Variants in YAE1 observed in about 807,000 individuals in gnomAD.
YAE1 encodes the protein protein YAE1 homolog.
YAE1 carries 22 observed loss-of-function variants against 23.0 expected under a neutral mutation model. The observed-to-expected ratio is 0.96, with a 90% CI of 0.68 to 1.37. The LOEUF is 1.37. Ranked by LOEUF, YAE1 falls within the 40% of genes most tolerant of loss-of-function variation. YAE1 has a pLI of 0.00. For missense variants in YAE1, 260 were observed against 262.1 expected, an observed-to-expected ratio of 0.99 and a Z score of 0.06; for synonymous variants, 101 against 97.0, an observed-to-expected ratio of 1.04 and a Z score of -0.24.
At chr7:39,567,449 C>G (rs1790490671) in intron 1 of YAE1, among the ~76,000 whole-genome samples, 1 of 152,082 alleles carries the variant, frequency 6.6e-6, no homozygotes, top group Admixed American at 6.6e-5. Context: ...TTTCTGAAAC[C>G]AGACTTCTCA....
chr7:39,594,467 C>T (rs774665484), intron 2 of YAE1, among the ~76,000 whole-genome samples: 5 of 152,134 alleles, frequency 3.3e-5, no homozygotes, highest in Non-Finnish European at 5.9e-5. Flanking sequence ...AAATTTGATT[C>T]CTTTCCATTT....
chr7:39,589,258 A>T (rs1231798003), intron 2 of YAE1, among the ~76,000 whole-genome samples: 1 of 152,216 alleles, frequency 6.6e-6, no homozygotes, highest in Non-Finnish European at 1.5e-5. Context: ...TTTACTATGT[A>T]GTTTTCTGTA....
chr7:39,578,656 A>G (rs1191838291), intron 2 of YAE1, among the ~76,000 whole-genome samples: 3 of 152,192 alleles, frequency 2.0e-5, no homozygotes, highest in African/African-American at 4.8e-5. Context: ...CAGTGAGACC[A>G]TGAACCCGCC....
chr7:39,591,078 C>T (rs112060808), intron 2 of YAE1, among the ~76,000 whole-genome samples: 5 of 152,314 alleles, frequency 3.3e-5, no homozygotes, highest in African/African-American at 1.2e-4. Flanking sequence ...CAGACGGCTG[C>T]CTTCTTGTGT....
intron 2 of YAE1, among the ~76,000 whole-genome samples, chr7:39,583,534 T>C (rs1583674583): frequency 6.6e-6 from 1 of 152,206 alleles, no homozygotes; most frequent in East Asian, 1.9e-4. Context: ...TAACATAGAT[T>C]TGAAAGAGAA....
At chr7:39,585,621 G>A (rs1386083249) in intron 2 of YAE1, among the ~76,000 whole-genome samples, 2 of 152,180 alleles carry the variant, frequency 1.3e-5, no homozygotes, top group African/African-American at 4.8e-5. Context: ...TACTCCTCCA[G>A]ATTCTTCCAG....
exon 3 of YAE1, chr7:39,610,308 G>C (rs898297904): frequency 2.0e-6 from 1 of 492,948 alleles, no homozygotes; most frequent in Non-Finnish European, 3.8e-6. Flanking sequence ...CTCGGTACCA[G>C]GTTTGACCTC....
At chr7:39,574,113 A>G (rs73375677), downstream of YAE1, among the ~76,000 whole-genome samples, 12,955 of 138,552 alleles carry the variant, frequency 0.094, 1,239 homozygotes, top group African/African-American at 0.24. Flanking sequence ...TAAAAATGTC[A>G]TGGGTGTGGT....
At chr7:39,601,356 C>G (rs909374179) in intron 2 of YAE1, among the ~76,000 whole-genome samples, 1 of 152,104 alleles carries the variant, frequency 6.6e-6, no homozygotes, top group Non-Finnish European at 1.5e-5. Flanking sequence ...AATACTATTA[C>G]AAAAACATTG....
intron 2 of YAE1, among the ~76,000 whole-genome samples, chr7:39,608,068 T>G (rs1449853200): frequency 6.6e-6 from 1 of 152,222 alleles, no homozygotes; most frequent in Non-Finnish European, 1.5e-5. Context: ...TCATAGAACA[T>G]GTTCACCCTC....
chr7:39,577,702 G>A (rs146593453), downstream of YAE1, among the ~76,000 whole-genome samples: 376 of 152,312 alleles, frequency 2.5e-3, no homozygotes, highest in African/African-American at 8.2e-3. Context: ...GGGCTCCTGC[G>A]CAGCCCAAGC....
chr7:39,603,521 G>A (rs1183341893), intron 2 of YAE1, among the ~76,000 whole-genome samples: 1 of 152,162 alleles, frequency 6.6e-6, no homozygotes, highest in East Asian at 1.9e-4. Flanking sequence ...TTAAGCTGTG[G>A]GAATTGTGAT....
chr7:39,576,076 C>T (rs752672241), downstream of YAE1, among the ~76,000 whole-genome samples: 24 of 152,192 alleles, frequency 1.6e-4, no homozygotes, highest in Non-Finnish European at 3.5e-4. Flanking sequence ...GATGATCTCA[C>T]CTATTAATGT....
At chr7:39,611,100 A>G (rs1233181760), downstream of YAE1, among the ~76,000 whole-genome samples, 1 of 151,870 alleles carries the variant, frequency 6.6e-6, no homozygotes, top group Non-Finnish European at 1.5e-5. Flanking sequence ...GTGAGCCCAG[A>G]TTGTGCCACT....
intron 2 of YAE1, among the ~76,000 whole-genome samples, chr7:39,604,387 A>C (rs878946712): frequency 2.0e-4 from 30 of 152,210 alleles, no homozygotes; most frequent in Admixed American, 3.9e-4. Context: ...TCTTAGACCA[A>C]TCAGGATTTA....
intron 2 of YAE1, among the ~76,000 whole-genome samples, chr7:39,585,901 G>A (rs938714488): frequency 2.0e-5 from 3 of 152,040 alleles, no homozygotes; most frequent in African/African-American, 7.2e-5. Context: ...CTCAGAATTC[G>A]AGACCAGCCC....
intron 2 of YAE1, among the ~76,000 whole-genome samples, chr7:39,583,380 G>A (rs1790773737): frequency 6.6e-6 from 1 of 151,934 alleles, no homozygotes; most frequent in Non-Finnish European, 1.5e-5. Flanking sequence ...CAAAACAGGG[G>A]TAACTCTTAG....
intron 2 of YAE1, among the ~76,000 whole-genome samples, chr7:39,585,029 C>T (rs747054376): frequency 6.6e-6 from 1 of 152,182 alleles, no homozygotes; most frequent in East Asian, 1.9e-4. Flanking sequence ...AAATGTCCTT[C>T]ATAGATAAGG....
At chr7:39,574,165 C>T (rs1214007572), downstream of YAE1, among the ~76,000 whole-genome samples, 2 of 152,042 alleles carry the variant, frequency 1.3e-5, no homozygotes, top group Non-Finnish European at 2.9e-5. Context: ...GATAAGATTC[C>T]CTGAAGATAA....
Sources: allele counts gnomAD v4.1 joint callset (sites outside exome capture counted in the v4.1 genomes callset), GRCh38; gene constraint gnomAD v4.1.1; transcripts MANE v1.5; gene names NCBI Gene and HGNC (gene_info 2026-07-23, HGNC 2026-07-21).